PRIM2: variants seen among roughly 807,000 people sequenced by gnomAD.
The protein encoded by PRIM2 is DNA primase large subunit.
PRIM2 carries 39 observed loss-of-function variants against 67.3 expected under a neutral mutation model. That is an observed-to-expected ratio of 0.58 (90% CI 0.45 to 0.76). The LOEUF (loss-of-function observed/expected upper bound fraction) is 0.76, where lower values mean the gene tolerates loss of function less well. Ranked by LOEUF, PRIM2 falls within the 30% of genes least tolerant of loss-of-function variation. The pLI is 0.00. For synonymous variants in PRIM2, 143 were observed against 198.7 expected (o/e 0.72, Z 2.36); for missense variants, 398 against 598.7 (o/e 0.66, Z 3.50).
At chr6:57,242,939 C>T in the PRIM2 span, among the ~76,000 whole-genome samples, 2 of 152,188 alleles carry the variant, frequency 1.3e-5, no homozygotes, top group East Asian at 3.8e-4. Flanking sequence ...GTGAATTTCA[C>T]AGATGTTCTC....
At chr6:57,299,421 T>G in the PRIM2 span, among the ~76,000 whole-genome samples, 1 of 152,188 alleles carries the variant, frequency 6.6e-6, no homozygotes, top group Admixed American at 6.5e-5. Context: ...TACCCATGGT[T>G]CTTTCTTTTT....
intron 7 of PRIM2, among the ~76,000 whole-genome samples, chr6:57,395,214 G>A (rs956146349): frequency 1.9e-4 from 29 of 152,022 alleles, no homozygotes; most frequent in Non-Finnish European, 1.9e-4. Flanking sequence ...TCTCTATCCC[G>A]TAGAATAGTT....
At chr6:57,541,651 G>C (rs1361666515) in intron 10 of PRIM2, among the ~76,000 whole-genome samples, 64 of 152,238 alleles carry the variant, frequency 4.2e-4, no homozygotes, top group African/African-American at 1.5e-3. Context: ...GTCAGCTTTA[G>C]TTCCAGCTCA....
At chr6:57,391,133 AT>A (rs1770331225) in intron 7 of PRIM2, among the ~76,000 whole-genome samples, 3 of 73,410 alleles carry the variant, frequency 4.1e-5, no homozygotes, top group African/African-American at 2.2e-4. Context: ...TTCTCTAATG[AT>A]CAATTGATAC....
intron 5 of PRIM2, among the ~76,000 whole-genome samples, chr6:57,369,176 C>T (rs1180061117): frequency 6.6e-6 from 1 of 152,138 alleles, no homozygotes; most frequent in African/African-American, 2.4e-5. Context: ...ATCCACTACC[C>T]TTCTATTTAC....
intron 10 of PRIM2, chr6:57,586,879 G>A (rs1302512041): frequency 1.3e-5 from 2 of 152,116 alleles, no homozygotes; most frequent in African/African-American, 4.8e-5. Flanking sequence ...TCTCAGATGA[G>A]GAAAAGTCAT....
intron 13 of PRIM2, among the ~76,000 whole-genome samples, chr6:57,643,927 T>C (rs1185541585): frequency 7.9e-5 from 12 of 152,300 alleles, no homozygotes; most frequent in Non-Finnish European, 1.6e-4. Context: ...CTTAGATAAG[T>C]ATTACCAGAA....
chr6:57,430,400 A>G (rs1771777802), intron 7 of PRIM2, among the ~76,000 whole-genome samples: 1 of 151,834 alleles, frequency 6.6e-6, no homozygotes, highest in Admixed American at 6.6e-5. Context: ...GGAAAACGAA[A>G]GTAATTTTGT....
the PRIM2 span, among the ~76,000 whole-genome samples, chr6:57,231,779 G>C: frequency 6.6e-6 from 1 of 151,766 alleles, no homozygotes; most frequent in Non-Finnish European, 1.5e-5. Flanking sequence ...GTATTTCCAT[G>C]TGTAACAATT....
intron 12 of PRIM2, among the ~76,000 whole-genome samples, chr6:57,612,739 A>G (rs1167271689): frequency 6.7e-6 from 1 of 150,104 alleles, no homozygotes; most frequent in East Asian, 1.9e-4. Context: ...AAAAGGGGAT[A>G]TATTTTACTG....
chr6:57,627,804 A>G (rs1776978214), intron 12 of PRIM2, among the ~76,000 whole-genome samples: 1 of 152,248 alleles, frequency 6.6e-6, no homozygotes, highest in Non-Finnish European at 1.5e-5. Context: ...AAACTAAGTC[A>G]TACTGCCATT....
chr6:57,352,350 C>T (rs1768884684), intron 5 of PRIM2, among the ~76,000 whole-genome samples: 1 of 152,176 alleles, frequency 6.6e-6, no homozygotes, highest in African/African-American at 2.4e-5. Context: ...AAGCAATTCT[C>T]CTCCCTCAGC....
intron 7 of PRIM2, among the ~76,000 whole-genome samples, chr6:57,452,375 G>C (rs1772585942): frequency 6.6e-6 from 1 of 152,138 alleles, no homozygotes; most frequent in Non-Finnish European, 1.5e-5. Context: ...TTCCACAATG[G>C]TTGAACTAGT....
In PRIM2 at chr6:57,610,916, C is replaced by A. The variant is rs1459324870; in HGVS notation, c.1230+4459C>A. On this transcript the variant is annotated intron_variant, in intron 12 of 13. Coordinates refer to ENST00000615550, the MANE Select transcript of PRIM2 (RefSeq NM_000947.5). ...ACAACAGGAGACATGAAATAGTAAC[C>A]CAGGTAGATCATAGTCTAGGTCTTT... Among the ~76,000 whole-genome samples the A allele has an allele frequency of 2.1e-3, 318 of 152,144 alleles. 1 individual carries two copies. The highest frequency in any genetic ancestry group is 9.5e-3 in the South Asian group (46 of 4,818).
chr6:57,583,655 T>C, intron 10 of PRIM2, among the ~76,000 whole-genome samples: 1 of 152,170 alleles, frequency 6.6e-6, no homozygotes, highest in East Asian at 1.9e-4. Flanking sequence ...TGTGTCTTTA[T>C]AGCAGCATGA....
intron 7 of PRIM2, among the ~76,000 whole-genome samples, chr6:57,481,717 G>A (rs1216782599): frequency 1.3e-5 from 2 of 152,000 alleles, no homozygotes; most frequent in African/African-American, 4.8e-5. Flanking sequence ...ATTCCCACCA[G>A]CAATGTAGGA....
intron 7 of PRIM2, among the ~76,000 whole-genome samples, chr6:57,477,256 G>T: frequency 6.6e-6 from 1 of 152,226 alleles, no homozygotes; most frequent in Non-Finnish European, 1.5e-5. Context: ...GCCCCCTAAA[G>T]TTCTGGGATT....
At chr6:57,518,019 A>C (rs1774522260) in intron 8 of PRIM2, among the ~76,000 whole-genome samples, 1 of 152,160 alleles carries the variant, frequency 6.6e-6, no homozygotes, top group Non-Finnish European at 1.5e-5. Flanking sequence ...ACCTTTATTT[A>C]CTCAGAGTAA....
chr6:57,321,265 G>A (rs1767645736), intron 3 of PRIM2, among the ~76,000 whole-genome samples: 1 of 152,194 alleles, frequency 6.6e-6, no homozygotes, highest in Non-Finnish European at 1.5e-5. Context: ...TTAGTGGATG[G>A]TGGTAATATT....
Sources: allele counts gnomAD v4.1 joint callset (sites outside exome capture counted in the v4.1 genomes callset), GRCh38; gene constraint gnomAD v4.1.1; transcripts MANE v1.5; gene names NCBI Gene and HGNC (gene_info 2026-07-23, HGNC 2026-07-21).